The following SPOCK3 variants were observed in gnomAD, a reference collection of about 807,000 sequenced individuals.
SPOCK3 encodes the protein SPARC (osteonectin), cwcv and kazal like domains proteoglycan 3.
Under a neutral mutation model 56.6 loss-of-function variants are expected in SPOCK3, and 30 were observed. The ratio of observed to expected loss-of-function variants is 0.53; its 90% CI spans 0.40 to 0.72. SPOCK3 has a LOEUF of 0.72. Among genes scored for constraint, SPOCK3 ranks in the 30% least tolerant of loss-of-function variants. The pLI, the probability that SPOCK3 is intolerant of heterozygous loss-of-function variation, is 0.00. For synonymous variants in SPOCK3, 196 were observed against 183.3 expected, an observed-to-expected ratio of 1.07 and a Z score of -0.56; for missense variants, 527 against 530.0, an observed-to-expected ratio of 0.99 and a Z score of 0.06.
intron 4 of SPOCK3, among the ~76,000 whole-genome samples, chr4:166,975,183 T>G (rs1287204932): frequency 3.9e-5 from 6 of 152,258 alleles, no homozygotes; most frequent in African/African-American, 1.4e-4. Flanking sequence ...CTGTAAAAAA[T>G]ACATTTCTTT....
At chr4:166,800,283 C>T (rs766345795) in intron 6 of SPOCK3, among the ~76,000 whole-genome samples, 9 of 149,522 alleles carry the variant, frequency 6.0e-5, no homozygotes, top group Non-Finnish European at 1.0e-4. Context: ...TGATTACAAG[C>T]GAATTTATGA....
intron 4 of SPOCK3, among the ~76,000 whole-genome samples, chr4:166,965,165 A>G (rs1744578053): frequency 6.6e-6 from 1 of 152,092 alleles, no homozygotes; most frequent in South Asian, 2.1e-4. Context: ...TATTTGAAAT[A>G]CCCAAAAATT....
rs574484433 is a variant in SPOCK3, at chr4:167,038,378, G to T, written c.235+24114C>A. Among the ~76,000 whole-genome samples, 6 of 152,204 alleles carry T rather than the reference G, an allele frequency of 3.9e-5. No homozygotes were observed. In the East Asian group the frequency reaches 1.2e-3, roughly 29 times the overall value. ...CATACTTTCTTCATCTCTTAACATA[G>T]CATTCCTACATTTTGTGTTCTTGCC... On this transcript the variant is annotated intron_variant, in intron 3 of 10. Coordinates refer to ENST00000357545, the MANE Select transcript of SPOCK3 (RefSeq NM_001040159.2).
intron 8 of SPOCK3, 174 bp downstream of exon 8, chr4:166,754,334 T>C: frequency 7.3e-7 from 1 of 1,364,370 alleles, no homozygotes; most frequent in Non-Finnish European, 9.4e-7. Flanking sequence ...GTGTTGTATC[T>C]CTGGCAGAGT....
intron 6 of SPOCK3, among the ~76,000 whole-genome samples, chr4:166,833,509 G>C (rs1170999844): frequency 6.6e-6 from 1 of 152,162 alleles, no homozygotes; most frequent in Admixed American, 6.6e-5. Flanking sequence ...TTTGGTTCGT[G>C]TGCATTAAAA....
intron 4 of SPOCK3, among the ~76,000 whole-genome samples, chr4:166,941,763 G>A (rs1324601044): frequency 1.3e-5 from 2 of 152,190 alleles, no homozygotes; most frequent in Admixed American, 6.5e-5. Context: ...GGAGCAAGCT[G>A]CCACGGTGTG....
intron 6 of SPOCK3, among the ~76,000 whole-genome samples, chr4:166,855,511 T>C (rs1730554057): frequency 6.6e-6 from 1 of 152,124 alleles, no homozygotes; most frequent in Non-Finnish European, 1.5e-5. Flanking sequence ...TTAAATTGGG[T>C]CAGCTACTCT....
intron 7 of SPOCK3, among the ~76,000 whole-genome samples, chr4:166,765,291 G>T (rs1560830798): frequency 6.6e-6 from 1 of 152,170 alleles, no homozygotes; most frequent in African/African-American, 2.4e-5. Flanking sequence ...TATTGCCTAG[G>T]TTTTCTTCTA....
chr4:167,055,192 T>G (rs946469922), intron 3 of SPOCK3, among the ~76,000 whole-genome samples: 2 of 152,212 alleles, frequency 1.3e-5, no homozygotes, highest in African/African-American at 4.8e-5. Flanking sequence ...TATAGTGATC[T>G]AATATGGATG....
intron 2 of SPOCK3, among the ~76,000 whole-genome samples, chr4:167,230,656 G>A (rs1737085422): frequency 6.6e-6 from 1 of 151,976 alleles, no homozygotes; most frequent in African/African-American, 2.4e-5. Context: ...GTTTAAATGT[G>A]TTGACTTTTC....
intron 2 of SPOCK3, among the ~76,000 whole-genome samples, chr4:167,205,288 T>TTTATATCTATAATATATATTATATA: frequency 2.0e-5 from 1 of 48,986 alleles, no homozygotes; most frequent in South Asian, 5.8e-4. Context: ...TTATATATAT[T>TTTATATCTATAATATATATTATATA]TTATATCTAT....
intron 2 of SPOCK3, among the ~76,000 whole-genome samples, chr4:167,074,167 G>A (rs1049480017): frequency 7.9e-5 from 12 of 151,860 alleles, no homozygotes; most frequent in African/African-American, 2.9e-4. Flanking sequence ...ATCCACTTGA[G>A]TTTGCAGTGG....
intron 4 of SPOCK3, among the ~76,000 whole-genome samples, chr4:166,946,617 C>G (rs73861912): frequency 1.3e-5 from 2 of 152,212 alleles, no homozygotes; most frequent in African/African-American, 4.8e-5. Context: ...CCATCATCCT[C>G]GTCAGCACTG....
intron 4 of SPOCK3, among the ~76,000 whole-genome samples, chr4:166,978,002 A>G (rs940549956): frequency 3.9e-5 from 6 of 152,136 alleles, no homozygotes; most frequent in Non-Finnish European, 7.4e-5. Context: ...TAAAGTCTCC[A>G]TTGACTCTTT....
chr4:167,179,478 T>C (rs549055125), intron 2 of SPOCK3, among the ~76,000 whole-genome samples: 15 of 152,330 alleles, frequency 9.8e-5, no homozygotes, highest in South Asian at 4.1e-4. Flanking sequence ...CAAAACTCTT[T>C]GAGTTGCTAA....
intron 4 of SPOCK3, among the ~76,000 whole-genome samples, chr4:166,938,299 T>C (rs1172088335): frequency 6.6e-6 from 1 of 151,740 alleles, no homozygotes; most frequent in African/African-American, 2.4e-5. Context: ...GGAAGAGAAA[T>C]TGATGTAATT....
intron 2 of SPOCK3, among the ~76,000 whole-genome samples, chr4:167,213,014 GA>G (rs1258257134): frequency 6.6e-6 from 1 of 152,208 alleles, no homozygotes; most frequent in African/African-American, 2.4e-5. Context: ...CGTCTGTAGT[GA>G]AGATGCTGGA....
chr4:166,797,314 T>A (rs1232815040), intron 6 of SPOCK3, among the ~76,000 whole-genome samples: 2 of 108,748 alleles, frequency 1.8e-5, no homozygotes, highest in Non-Finnish European at 3.8e-5. Flanking sequence ...TGGCTTTTTT[T>A]TTTTTTTTAA....
At chr4:166,781,733 C>G (rs1740196212) in intron 7 of SPOCK3, among the ~76,000 whole-genome samples, 1 of 151,588 alleles carries the variant, frequency 6.6e-6, no homozygotes, top group Admixed American at 6.6e-5. Context: ...CTAGATGCAC[C>G]ATCGTCAAAC....
Sources: gnomAD v4.1 joint callset for allele counts (sites outside exome capture counted in the v4.1 genomes callset) on GRCh38, gnomAD v4.1.1 for gene constraint, MANE v1.5 for transcripts, NCBI Gene and HGNC (gene_info 2026-07-23, HGNC 2026-07-21) for gene names.